Variants in CLMP observed in about 807,000 individuals in gnomAD.
CLMP encodes CXADR-like membrane protein.
In CLMP, 27 loss-of-function variants were observed where a neutral mutation model predicts 45.2. That is an observed-to-expected ratio of 0.60 (90% CI 0.44 to 0.82). The LOEUF (loss-of-function observed/expected upper bound fraction) is 0.82. Among genes scored for constraint, CLMP ranks in the 40% least tolerant of loss-of-function variants. The pLI, the probability that CLMP is intolerant of heterozygous loss-of-function variation, is 0.00. For synonymous variants in CLMP, 167 were observed against 171.4 expected (o/e 0.97, Z 0.20); for missense variants, 403 against 448.4 (o/e 0.90, Z 0.91).
intron 1 of CLMP, among the ~76,000 whole-genome samples, chr11:123,111,719 T>C (rs1860641712): frequency 6.6e-6 from 1 of 152,220 alleles, no homozygotes. Context: ...TTTGTGGTTA[T>C]GTGCTAAATT....
At position 123,084,710 on chromosome 11, in the gene CLMP, T is replaced by C. The variant is rs776956196; in HGVS notation, c.190A>G (p.Ile64Val). The C allele has an allele frequency of 1.9e-5, 30 of 1,614,092 alleles. No individual in the cohort carries two copies. In the South Asian group the frequency reaches 3.1e-4, roughly 17 times the overall value. Residue 64 changes from isoleucine to valine, a missense_variant, in exon 3 of 7, where the codon ATC (isoleucine) becomes GTC (valine). Coordinates refer to ENST00000448775, the MANE Select transcript of CLMP (RefSeq NM_024769.5). ...TAGACATGACGACTGGAGTAAGTGA[T>C]CACCTGTGGGATAGACCGAGGCAGA... ...TDNEGNQKVV[I>V]TYSSRHVYNN...
At chr11:123,134,828 CTAGCACGTG>C (rs1861047305) in intron 1 of CLMP, among the ~76,000 whole-genome samples, 1 of 151,896 alleles carries the variant, frequency 6.6e-6, no homozygotes, top group African/African-American at 2.4e-5. Flanking sequence ...AAATTGCTCT[CTAGCACGTG>C]AGCTTGTCAG....
intron 1 of CLMP, among the ~76,000 whole-genome samples, chr11:123,167,952 A>G (rs924059320): frequency 1.0e-4 from 15 of 144,778 alleles, no homozygotes; most frequent in African/African-American, 3.7e-4. Context: ...AAGCCCAGGA[A>G]GGAAAGACAG....
rs1865843703 is a variant in CLMP, at chr11:123,084,668, C to T, written c.232G>A (p.Glu78Lys). ...SRHVYNNLTE[E>K]QKGRVAFASN... ...GCAAAGGCCACTCGGCCCTTCTGTT[C>T]CTCAGTCAAGTTATTGTAGACATGA... The change falls in exon 3 of 7, where the codon GAA becomes AAA. Residue 78 changes from glutamate to lysine, a missense_variant. Transcript: ENST00000448775. 3.1e-6 allele frequency: 5 copies of T among 1,614,138 alleles called. No individual in the cohort carries two copies. Among genetic ancestry groups the T allele is most frequent in the Non-Finnish European group, 4.2e-6 (5 of 1,179,990 alleles).
chr11:123,118,983 TTCTTTCTTTCTTTCTTTC>T (rs1565387852), intron 1 of CLMP, among the ~76,000 whole-genome samples: 7 of 41,950 alleles, frequency 1.7e-4, no homozygotes, highest in Non-Finnish European at 2.6e-4. Flanking sequence ...CTTTCTTTCT[TTCTTTCTTTCTTTCTTTC>T]TCTCTCTCTC....
At chr11:123,075,605 T>G (rs984880626) in intron 5 of CLMP, among the ~76,000 whole-genome samples, 1 of 151,252 alleles carries the variant, frequency 6.6e-6, no homozygotes, top group African/African-American at 2.4e-5. Context: ...GCCAGGATGG[T>G]CTTGACCTCC....
chr11:123,189,942 C>CAGTGAGTG (rs1490492900), intron 1 of CLMP, among the ~76,000 whole-genome samples: 3 of 146,662 alleles, frequency 2.0e-5, no homozygotes, highest in African/African-American at 7.8e-5. Context: ...GCAGGGGTTG[C>CAGTGAGTG]AGTGAGTGGA....
chr11:123,126,932 T>C (rs117379156), intron 1 of CLMP, among the ~76,000 whole-genome samples: 6,778 of 151,598 alleles, frequency 0.045, 227 homozygotes, highest in Middle Eastern at 0.078. Context: ...ACTAGTCTCT[T>C]CCCTCATGAC....
chr11:123,171,377 T>A (rs1861629594), intron 1 of CLMP, among the ~76,000 whole-genome samples: 1 of 150,964 alleles, frequency 6.6e-6, no homozygotes, highest in Non-Finnish European at 1.5e-5. Context: ...GGAAAGGGAG[T>A]GGGACTGGAG....
intron 1 of CLMP, among the ~76,000 whole-genome samples, chr11:123,137,043 C>G (rs912584109): frequency 2.0e-5 from 3 of 152,014 alleles, no homozygotes; most frequent in African/African-American, 4.8e-5. Context: ...TCCCGAGCCC[C>G]GTATGTTTCC....
At chr11:123,075,419 C>T (rs1040631130) in intron 5 of CLMP, among the ~76,000 whole-genome samples, 2 of 151,880 alleles carry the variant, frequency 1.3e-5, no homozygotes, top group African/African-American at 2.4e-5. Context: ...GGGAGTCTCG[C>T]TGTGTCCCCC....
At chr11:123,155,577 G>A (rs1157804083) in intron 1 of CLMP, among the ~76,000 whole-genome samples, 1 of 152,172 alleles carries the variant, frequency 6.6e-6, no homozygotes, top group African/African-American at 2.4e-5. Flanking sequence ...ACAAGAGGTC[G>A]AGCTAGAATT....
chr11:123,098,439 G>C (rs1301819080), intron 1 of CLMP, among the ~76,000 whole-genome samples: 2 of 151,990 alleles, frequency 1.3e-5, no homozygotes, highest in Non-Finnish European at 2.9e-5. Flanking sequence ...TGTTGGCCAG[G>C]CTGGTCTCGA....
chr11:123,111,318 A>G (rs1860634806), intron 1 of CLMP, among the ~76,000 whole-genome samples: 1 of 151,998 alleles, frequency 6.6e-6, no homozygotes. Flanking sequence ...TTTAGTAGAG[A>G]CGGAGTTTCA....
At chr11:123,186,197 C>T (rs576559800) in intron 1 of CLMP, among the ~76,000 whole-genome samples, 1 of 152,328 alleles carries the variant, frequency 6.6e-6, no homozygotes, top group African/African-American at 2.4e-5. Context: ...GACAATAATA[C>T]CAATCTCACA....
intron 1 of CLMP, among the ~76,000 whole-genome samples, chr11:123,107,612 T>C (rs1317913895): frequency 6.7e-6 from 1 of 149,448 alleles, no homozygotes; most frequent in Admixed American, 6.9e-5. Flanking sequence ...GCTCAAGCAG[T>C]CCTCCCGCCT....
chr11:123,083,268 T>C (rs1865826342), intron 4 of CLMP, 61 bp from the exon 5 acceptor site: 1 of 1,477,768 alleles, frequency 6.8e-7, no homozygotes, highest in Non-Finnish European at 9.3e-7. Context: ...ATTTATTGTT[T>C]ACTTTATTGT....
chr11:123,151,139 G>A (rs1861332656), intron 1 of CLMP, among the ~76,000 whole-genome samples: 1 of 152,218 alleles, frequency 6.6e-6, no homozygotes, highest in South Asian at 2.1e-4. Flanking sequence ...CGTGCTGTCT[G>A]TGAGCTTACA....
chr11:123,115,970 C>T (rs1315440742), intron 1 of CLMP, among the ~76,000 whole-genome samples: 1 of 151,914 alleles, frequency 6.6e-6, no homozygotes, highest in Non-Finnish European at 1.5e-5. Flanking sequence ...TCTGAAGGCT[C>T]GCATGAGGTG....
Sources: allele counts gnomAD v4.1 joint callset (sites outside exome capture counted in the v4.1 genomes callset), GRCh38; gene constraint gnomAD v4.1.1; transcripts MANE v1.5; gene names NCBI Gene and HGNC (gene_info 2026-07-23, HGNC 2026-07-21).